COPG1: variants seen among roughly 807,000 people sequenced by gnomAD.
COPG1 encodes coat protein complex I subunit gamma 1.
A neutral mutation model predicts 102.8 loss-of-function variants in COPG1; 29 were observed. The ratio of observed to expected loss-of-function variants is 0.28; its 90% confidence interval spans 0.21 to 0.38. The LOEUF (loss-of-function observed/expected upper bound fraction) is 0.38. Ranked by LOEUF, COPG1 falls within the 10% of genes least tolerant of loss-of-function variation. The pLI is 1.00. For synonymous variants in COPG1, 406 were observed against 421.6 expected, an observed-to-expected ratio of 0.96 and a Z score of 0.45; for missense variants, 875 against 1,132.7, an observed-to-expected ratio of 0.77 and a Z score of 3.27.
chr3:129,255,612 A>G (rs1054750108), intron 7 of COPG1, among the ~76,000 whole-genome samples: 4 of 151,746 alleles, frequency 2.6e-5, no homozygotes, highest in African/African-American at 9.7e-5. Context: ...CCACCTGAGT[A>G]GCTGAGATTG....
chr3:129,273,552 AAC>A (rs1187021203), intron 21 of COPG1, among the ~76,000 whole-genome samples: 1 of 152,198 alleles, frequency 6.6e-6, no homozygotes, highest in East Asian at 1.9e-4. Context: ...ATACTTCATA[AAC>A]ACAATTTTTT....
chr3:129,272,222 C>T (rs1293438664), intron 19 of COPG1, 22 bp from the exon 20 acceptor site: 1 of 1,609,124 alleles, frequency 6.2e-7, no homozygotes, highest in South Asian at 1.1e-5. Flanking sequence ...AATGTTTAAG[C>T]TCCCCTCTCT....
intron 12 of COPG1, among the ~76,000 whole-genome samples, chr3:129,263,444 A>G (rs560850251): frequency 2.2e-4 from 34 of 152,304 alleles, no homozygotes; most frequent in Non-Finnish European, 4.4e-4. Context: ...TCAGTGGCAT[A>G]TAAGAGGCGG....
Position 129,277,282 on chromosome 3 carries a change from C to A in COPG1, c.2495-12C>A, listed in dbSNP as rs750068561. The A allele has an allele frequency of 8.7e-6, 14 of 1,613,478 alleles. No individual in the cohort carries two copies. The East Asian group carries it at 2.9e-4, about 33-fold the overall frequency. On this transcript the variant is annotated splice_polypyrimidine_tract_variant and intron_variant, in intron 23 of 23. Transcript: ENST00000314797. Reference sequence around the variant, plus strand: ...CTGCTGTATATATCTGTACTTCTCTCTTCCCTTCTAGGTGTGTTCCGGGGT... The same window carrying A: ...CTGCTGTATATATCTGTACTTCTCTATTCCCTTCTAGGTGTGTTCCGGGGT...
chr3:129,274,196 AAAG>A (rs1940227892), intron 21 of COPG1: 2 of 436,200 alleles, frequency 4.6e-6, no homozygotes, highest in Admixed American at 2.7e-5. Context: ...GAAAAAAAAA[AAAG>A]AGAGAGAGAG....
At chr3:129,268,870 C>A in intron 17 of COPG1, 62 bp from the exon 18 acceptor site, 1 of 1,456,262 alleles carries the variant, frequency 6.9e-7, no homozygotes, top group South Asian at 1.1e-5. Flanking sequence ...GCACTGGGGT[C>A]ACCACCACAC....
In COPG1 at chr3:129,268,988, G is replaced by A. The variant is rs1940126153; in HGVS notation, c.1831G>A (p.Glu611Lys). Residue 611 changes from glutamate (E) to lysine (K), a missense_variant, in exon 18 of 24, where the codon GAG becomes AAG. Transcript: ENST00000314797. ...TGAGAAAGTGGCAGCTACCAGGCAG[G>A]AGATCTTCCAGGGTGAGTCACAGTG... ...QPEKVAATRQ[E>K]IFQEQLAAVP... 1.9e-6 allele frequency: 3 copies of A among 1,613,960 alleles called. No homozygotes were observed. Among genetic ancestry groups the A allele is most frequent in the Admixed American group, 1.7e-5 (1 of 59,980 alleles).
chr3:129,249,855 C>T, intron 1 of COPG1, 109 bp downstream of exon 1: 1 of 1,208,326 alleles, frequency 8.3e-7, no homozygotes, highest in East Asian at 2.6e-5. Context: ...GGGGCAGGGG[C>T]TTGTGCCAGG....
At position 129,252,921 on chromosome 3, in the gene COPG1, T is replaced by C. The variant is rs1191473271; in HGVS notation, c.289T>C (p.Cys97Arg). ...CTACTTGACCATCAAGGAGATGTCT[T>C]GCATTGCAGAGGATGTCATCATTGT... Reference protein sequence around the residue: ...MCYLTIKEMSCIAEDVIIVTS... With the variant: ...MCYLTIKEMSRIAEDVIIVTS... Residue 97 changes from cysteine to arginine, a missense_variant, in exon 5 of 24, where the codon TGC becomes CGC. Physicochemically the swap from Cys to Arg is radical, Grantham distance 180. Transcript: ENST00000314797. 6.2e-7 allele frequency: 1 copy of C among 1,614,210 alleles called. No homozygotes were observed. The highest frequency in any genetic ancestry group is 1.7e-5 in the Admixed American group (1 of 60,028).
In COPG1 at chr3:129,254,291, GTC is replaced by G. The variant is rs368683998; in HGVS notation, c.324-374_324-373del. The G allele has an allele frequency of 7.0e-3, 1,162 of 165,358 alleles. 8 individuals are homozygous for G. The highest frequency in any genetic ancestry group is 0.012 in the Non-Finnish European group (967 of 80,920). 10.2% of individuals were successfully genotyped at this position (165,358 alleles called of 1,614,324 possible). On this transcript the variant is annotated intron_variant, in intron 5 of 23. Transcript: ENST00000314797. ...AGCCTGGGCGACAAAGCGAGACTCTGTCTCAAAAAAAAAAAGAGTAGGACAGA... is the reference window on the plus strand; with the variant it reads ...AGCCTGGGCGACAAAGCGAGACTCTGTCAAAAAAAAAAAGAGTAGGACAGA...
intron 20 of COPG1, 118 bp from the exon 21 acceptor site, chr3:129,272,689 A>G (rs1940205809): frequency 1.5e-6 from 1 of 648,674 alleles, no homozygotes; most frequent in Non-Finnish European, 2.7e-6. Context: ...GCTGCTACTA[A>G]TAACATAGCA....
In COPG1 at chr3:129,266,774, C is replaced by G. The variant is rs541512594; in HGVS notation, c.1469-250C>G. On this transcript the variant is annotated intron_variant, in intron 14 of 23. Transcript: ENST00000314797. Reference sequence around the variant, plus strand: ...TTAATTTGAAATTAGCTCCTGGAACCTTAGAATGGGAGCTACTAATCCCAT... The same window carrying G: ...TTAATTTGAAATTAGCTCCTGGAACGTTAGAATGGGAGCTACTAATCCCAT... Among the ~76,000 whole-genome samples the G allele has an allele frequency of 6.6e-5, 10 of 152,284 alleles. No homozygotes were observed. The East Asian group carries it at 1.9e-3, about 29-fold the overall frequency.
intron 5 of COPG1, chr3:129,254,322 G>A (rs985034831): frequency 4.7e-5 from 10 of 213,132 alleles, no homozygotes; most frequent in African/African-American, 2.3e-4. Context: ...GGACAGAGTG[G>A]AGGTGAGGGG....
In COPG1 at chr3:129,249,669, T is replaced by A. The variant is rs776140626; in HGVS notation, c.-41T>A. The A allele has an allele frequency of 1.8e-5, 28 of 1,550,186 alleles. No individual in the cohort carries two copies. Among genetic ancestry groups the A allele is most frequent in the Non-Finnish European group, 2.4e-5 (28 of 1,146,492 alleles). The stretch of plus-strand genomic sequence containing the variant: ...GCACCGCTACTCCGTGCCGCGCCCG[T>A]CGAGCATTGCGTTGCTGCATTGCGC... On this transcript the variant is annotated 5_prime_UTR_variant, in exon 1 of 24. Transcript: ENST00000314797.
chr3:129,270,670 G>T (rs1940166021), intron 18 of COPG1, among the ~76,000 whole-genome samples: 1 of 152,128 alleles, frequency 6.6e-6, no homozygotes, highest in Non-Finnish European at 1.5e-5. Context: ...GGTCACATAG[G>T]CTGACTTTTT....
At chr3:129,264,120 A>C in intron 13 of COPG1, 121 bp downstream of exon 13, 1 of 791,292 alleles carries the variant, frequency 1.3e-6, no homozygotes, top group East Asian at 2.7e-5. Context: ...ACTGGTTTTC[A>C]TGGTGCCTGC....
At chr3:129,258,748 G>T (rs939959117) in intron 10 of COPG1, among the ~76,000 whole-genome samples, 2 of 152,174 alleles carry the variant, frequency 1.3e-5, no homozygotes, top group African/African-American at 2.4e-5. Context: ...GAGCCACTGC[G>T]CCCAGCCGTT....
intron 2 of COPG1, 71 bp downstream of exon 2, chr3:129,250,805 C>T (rs768366396): frequency 7.5e-6 from 10 of 1,330,318 alleles, no homozygotes; most frequent in Non-Finnish European, 9.7e-6. Flanking sequence ...AATACCAACA[C>T]ATTCAAAGTG....
At chr3:129,259,460 C>CAAAAAAA (rs781019383) in intron 10 of COPG1, among the ~76,000 whole-genome samples, 1 of 47,556 alleles carries the variant, frequency 2.1e-5, no homozygotes, top group Non-Finnish European at 4.2e-5. Context: ...GACTCTATCT[C>CAAAAAAA]AAAAAAAAAA....
Sources: gnomAD v4.1 joint callset for allele counts (sites outside exome capture counted in the v4.1 genomes callset) on GRCh38, gnomAD v4.1.1 for gene constraint, MANE v1.5 for transcripts, NCBI Gene and HGNC (gene_info 2026-07-23, HGNC 2026-07-21) for gene names.